Variants in CCDC144A observed in about 807,000 individuals in gnomAD.
CCDC144A encodes coiled-coil domain-containing protein 144A.
CCDC144A carries 41 observed loss-of-function variants against 143.8 expected under a neutral mutation model. The observed-to-expected ratio is 0.29, with a 90% confidence interval of 0.22 to 0.37. The LOEUF (loss-of-function observed/expected upper bound fraction) is 0.37, where lower values mean the gene tolerates loss of function less well. Among genes scored for constraint, CCDC144A ranks in the 10% least tolerant of loss-of-function variants. The probability of loss-of-function intolerance (pLI) is 1.00; values close to 1 mark genes in which losing one functional copy is unlikely to be tolerated. For missense variants in CCDC144A, 637 were observed against 1,488.8 expected (o/e 0.43, Z 9.41); for synonymous variants, 242 against 517.9 (o/e 0.47, Z 7.23).
At chr17:16,732,989 C>T (rs556874410) in intron 11 of CCDC144A, among the ~76,000 whole-genome samples, 7 of 151,698 alleles carry the variant, frequency 4.6e-5, no homozygotes, top group South Asian at 2.1e-4. Context: ...TAACAACAGA[C>T]GTTCTAGTTT....
intron 2 of CCDC144A, among the ~76,000 whole-genome samples, chr17:16,702,993 CAT>C (rs1491251378): frequency 3.9e-5 from 6 of 152,104 alleles, no homozygotes; most frequent in South Asian, 4.1e-4. Context: ...GTCAGCAAAT[CAT>C]GTGTGTGTGT....
intron 12 of CCDC144A, among the ~76,000 whole-genome samples, chr17:16,739,597 G>A (rs1316397316): frequency 6.8e-6 from 1 of 148,048 alleles, no homozygotes; most frequent in East Asian, 2.0e-4. Context: ...GACATTTGGT[G>A]AAGTCCACCT....
intron 9 of CCDC144A, among the ~76,000 whole-genome samples, chr17:16,729,623 T>A (rs1480754880): frequency 6.6e-6 from 1 of 151,836 alleles, no homozygotes; most frequent in Non-Finnish European, 1.5e-5. Flanking sequence ...TGGCGTGATC[T>A]CGGCTCATGG....
chr17:16,693,350 G>T (rs537774704), intron 2 of CCDC144A, among the ~76,000 whole-genome samples: 2 of 149,650 alleles, frequency 1.3e-5, no homozygotes, highest in South Asian at 4.2e-4. Context: ...ACGGAGTCTC[G>T]CTGTCGCCCA....
rs1293048029 is a variant in CCDC144A at position 16,726,401 on chromosome 17, AT to A, written c.1892-1125del. On this transcript the variant is annotated intron_variant, in intron 8 of 16. Coordinates refer to ENST00000399273, the MANE Select transcript of CCDC144A (RefSeq NM_001382000.1). ...GTCTCAAAAAAAAAAAAAAAGAGAG[AT>A]AAAAAAAAAAGAAAAATCTTCCATG... 6.9e-4 allele frequency among the ~76,000 whole-genome samples: 88 copies of A among 127,434 alleles called. 2 individuals carry two copies. Among genetic ancestry groups the A allele is most frequent in the African/African-American group, 3.5e-3 (83 of 23,878 alleles). The allele number at this position is 127,434 out of a possible 152,430, so 83.6% of individuals were successfully genotyped here.
At chr17:16,759,838 C>T (rs1224992250) in intron 12 of CCDC144A, among the ~76,000 whole-genome samples, 1 of 152,222 alleles carries the variant, frequency 6.6e-6, no homozygotes, top group Non-Finnish European at 1.5e-5. Context: ...TAACAAAATG[C>T]AGTGTCTCAA....
intron 12 of CCDC144A, among the ~76,000 whole-genome samples, chr17:16,750,325 G>C (rs1914731261): frequency 6.6e-6 from 1 of 151,302 alleles, no homozygotes; most frequent in Non-Finnish European, 1.5e-5. Context: ...GGAAAAGATT[G>C]TATTTCTCTG....
At chr17:16,759,235 G>A (rs1444508595) in intron 12 of CCDC144A, among the ~76,000 whole-genome samples, 1 of 152,252 alleles carries the variant, frequency 6.6e-6, no homozygotes, top group Non-Finnish European at 1.5e-5. Context: ...ATCATAAATT[G>A]TAAATATCAG....
At position 16,763,313 on chromosome 17, in the gene CCDC144A, C is replaced by A. The variant is rs550889919; in HGVS notation, c.3888-652C>A. ...AGTCTTATTCTCCCCAAGGAAAAGTCGCCGTGAATGATTCCTCAGTGCCAA... is the reference window on the plus strand; with the variant it reads ...AGTCTTATTCTCCCCAAGGAAAAGTAGCCGTGAATGATTCCTCAGTGCCAA... On this transcript the variant is annotated intron_variant, in intron 14 of 16. Transcript: ENST00000399273. Among the ~76,000 whole-genome samples, 1,313 of 151,296 alleles carry A rather than the reference C, an allele frequency of 8.7e-3. 17 individuals carry two copies. The highest frequency in any genetic ancestry group is 0.031 in the African/African-American group (1,260 of 40,834).
chr17:16,676,570 G>A, the CCDC144A span, among the ~76,000 whole-genome samples: 39,225 of 150,694 alleles, frequency 0.26, 6,107 homozygotes, highest in East Asian at 0.53. Flanking sequence ...TTTAGAAATA[G>A]CATTTTGACT....
chr17:16,739,973 A>G (rs541842052), intron 12 of CCDC144A, among the ~76,000 whole-genome samples: 13 of 151,226 alleles, frequency 8.6e-5, no homozygotes, highest in South Asian at 4.2e-4. Context: ...GACAGATCCC[A>G]TTAATTTTTT....
intron 16 of CCDC144A, 60 bp downstream of exon 16, chr17:16,772,079 T>C: frequency 8.2e-7 from 1 of 1,213,626 alleles, no homozygotes; most frequent in Non-Finnish European, 1.2e-6. Context: ...TGAAATAAAC[T>C]GCAAACGACA....
intron 12 of CCDC144A, chr17:16,737,610 C>T (rs906098163): frequency 9.0e-5 from 116 of 1,294,290 alleles, no homozygotes; most frequent in Non-Finnish European, 1.1e-4. Flanking sequence ...GGCTACCTCA[C>T]GTTGTCACAT....
At chr17:16,742,528 G>A (rs1914304260) in intron 12 of CCDC144A, among the ~76,000 whole-genome samples, 1 of 152,062 alleles carries the variant, frequency 6.6e-6, no homozygotes, top group African/African-American at 2.4e-5. Flanking sequence ...ATCAACATGG[G>A]AATACTGGTA....
At chr17:16,749,705 G>A (rs1187390139) in intron 12 of CCDC144A, among the ~76,000 whole-genome samples, 2 of 152,172 alleles carry the variant, frequency 1.3e-5, no homozygotes, top group African/African-American at 2.4e-5. Context: ...GATCCCCACT[G>A]TTATTGTGTG....
chr17:16,683,697 C>G, the CCDC144A span: 2 of 1,597,572 alleles, frequency 1.3e-6, no homozygotes, highest in East Asian at 2.2e-5. Context: ...TCAACATGGA[C>G]AAGAATCGGA....
chr17:16,690,549 C>G lies in CCDC144A; in HGVS notation c.149C>G (p.Pro50Arg), dbSNP rs117829593. ...YPGDQWSSGF[P>R]YSWWKNSVGS... Reference sequence around the variant, plus strand: ...GGGGACCAGTGGTCCTCGGGCTTCCCCTACAGCTGGTGGAAAAACAGCGTC... The same window carrying G: ...GGGGACCAGTGGTCCTCGGGCTTCCGCTACAGCTGGTGGAAAAACAGCGTC... The change falls in exon 1 of 17, where the codon CCC (proline) becomes CGC (arginine). Residue 50 changes from proline to arginine, a missense_variant. Transcript: ENST00000399273. 20,391 of 1,613,802 alleles carry G rather than the reference C, an allele frequency of 0.013. 224 individuals carry two copies. Among genetic ancestry groups the G allele is most frequent in the Non-Finnish European group, 0.014 (16,055 of 1,179,834 alleles).
intron 2 of CCDC144A, among the ~76,000 whole-genome samples, chr17:16,694,680 A>T (rs1346970636): frequency 1.3e-5 from 2 of 152,102 alleles, no homozygotes; most frequent in African/African-American, 4.8e-5. Context: ...CAGAAGTCAG[A>T]AAAGCAATTC....
chr17:16,730,800 C>T (rs1300092737), intron 9 of CCDC144A, among the ~76,000 whole-genome samples: 1 of 142,088 alleles, frequency 7.0e-6, no homozygotes, highest in Non-Finnish European at 1.5e-5. Flanking sequence ...TCACATTGGT[C>T]ATTCTTGATG....
Sources: gnomAD v4.1 joint callset for allele counts (sites outside exome capture counted in the v4.1 genomes callset) on GRCh38, gnomAD v4.1.1 for gene constraint, MANE v1.5 for transcripts, NCBI Gene and HGNC (gene_info 2026-07-23, HGNC 2026-07-21) for gene names.